Variants in FAM78B observed in about 807,000 individuals in gnomAD.
FAM78B encodes the protein family with sequence similarity 78 member B, also known as protein FAM78B.
Under a neutral mutation model 20.0 loss-of-function variants are expected in FAM78B, and 10 were observed. The ratio of observed to expected loss-of-function variants is 0.50; its 90% confidence interval spans 0.31 to 0.85. The LOEUF is 0.85. Ranked by LOEUF, FAM78B falls within the 40% of genes least tolerant of loss-of-function variation. FAM78B has a pLI of 0.05. For synonymous variants in FAM78B, 135 were observed against 132.8 expected (o/e 1.02, Z -0.12); for missense variants, 283 against 345.0 (o/e 0.82, Z 1.42).
chr1:166,091,108 T>C (rs778735948), intron 1 of FAM78B, among the ~76,000 whole-genome samples: 4 of 152,130 alleles, frequency 2.6e-5, no homozygotes, highest in Non-Finnish European at 5.9e-5. Flanking sequence ...GCATGAACAA[T>C]GGCCTCAAGG....
rs1807083 is a variant in FAM78B at position 166,131,193 on chromosome 1, T to A, written c.263+34793A>T. Among the ~76,000 whole-genome samples, 453 of 152,146 alleles carry A rather than the reference T, an allele frequency of 3.0e-3. 4 individuals are homozygous for A. The highest frequency in any genetic ancestry group is 0.01 in the African/African-American group (431 of 41,486). The stretch of plus-strand genomic sequence containing the variant: ...TTTTAGTAGAGATGGGGTTTCGCCA[T>A]GTTGGCCAGGCTGGTCTGGAACTCC... On this transcript the variant is annotated intron_variant, in intron 1 of 1. Transcript: ENST00000354422.
chr1:166,156,982 AGAG>A (rs111878413), intron 1 of FAM78B, among the ~76,000 whole-genome samples: 2,147 of 126,644 alleles, frequency 0.017, 58 homozygotes, highest in African/African-American at 0.061. Flanking sequence ...TCTACAGCTT[AGAG>A]GAGAACAAGG....
At chr1:166,142,501 C>T (rs1204986524) in intron 1 of FAM78B, among the ~76,000 whole-genome samples, 1 of 152,186 alleles carries the variant, frequency 6.6e-6, no homozygotes, top group Non-Finnish European at 1.5e-5. Flanking sequence ...AATGGGATTC[C>T]TCCCCTCAAG....
At position 166,109,862 on chromosome 1, in the gene FAM78B, G is replaced by GTGTGTATA. The variant is rs1179378097; in HGVS notation, c.264-39100_264-39099insTATACACA. ...TATGTATATATATATATATATATAT[G>GTGTGTATA]TATGTGTATATATATATATGTATAT... On this transcript the variant is annotated intron_variant, in intron 1 of 1. Coordinates refer to ENST00000354422, the MANE Select transcript of FAM78B (RefSeq NM_001017961.5). 1.2e-4 allele frequency among the ~76,000 whole-genome samples: 2 copies of GTGTGTATA among 16,278 alleles called. 1 individual carries two copies. Among genetic ancestry groups the GTGTGTATA allele is most frequent in the Non-Finnish European group, 2.6e-4 (2 of 7,580 alleles). The allele number at this position is 16,278 out of a possible 152,430, so 10.7% of individuals were successfully genotyped here.
At chr1:166,124,714 T>C (rs1654578345) in intron 1 of FAM78B, among the ~76,000 whole-genome samples, 1 of 152,252 alleles carries the variant, frequency 6.6e-6, no homozygotes, top group South Asian at 2.1e-4. Context: ...TGGTATTGGC[T>C]GAGTCCTTCA....
rs1176176057 is a variant in FAM78B, at chr1:166,166,165, G to A, written c.84C>T (p.Asp28=). The change falls in exon 1 of 2, where the codon GAC becomes GAT. Residue 28 remains aspartate (D), a synonymous_variant. Coordinates refer to ENST00000354422, the MANE Select transcript of FAM78B (RefSeq NM_001017961.5). The stretch of plus-strand genomic sequence containing the variant: ...TCTCCTCGATGCGCGTGGGGCACTG[G>A]TCGATGGTGGCGCACACATCGTACA... The part of the protein sequence containing the change: ...IVVYDVCATI[D]QCPTRIEETS... 1.2e-6 allele frequency: 2 copies of A among 1,603,234 alleles called. No homozygotes were observed. Among genetic ancestry groups the A allele is most frequent in the Non-Finnish European group, 8.5e-7 (1 of 1,174,858 alleles).
At chr1:166,084,485 C>G (rs1652726870) in intron 1 of FAM78B, among the ~76,000 whole-genome samples, 1 of 152,132 alleles carries the variant, frequency 6.6e-6, no homozygotes. Flanking sequence ...GACCAAAGAC[C>G]TCAGTCCTTG....
At chr1:166,157,379 A>G (rs1470800126) in intron 1 of FAM78B, among the ~76,000 whole-genome samples, 1 of 151,280 alleles carries the variant, frequency 6.6e-6, no homozygotes, top group Non-Finnish European at 1.5e-5. Context: ...CCATTTATGT[A>G]CAGGCAAACT....
intron 1 of FAM78B, among the ~76,000 whole-genome samples, chr1:166,077,555 GTCTC>G (rs111360627): frequency 1.4e-5 from 2 of 146,418 alleles, no homozygotes; most frequent in Non-Finnish European, 3.0e-5. Context: ...AGCACACAAT[GTCTC>G]TCTCTCTATA....
At chr1:166,060,947 G>A (rs1651573713) in intron 2 of FAM78B, among the ~76,000 whole-genome samples, 1 of 152,120 alleles carries the variant, frequency 6.6e-6, no homozygotes, top group Non-Finnish European at 1.5e-5. Context: ...AAGTCACCAG[G>A]CAATCCTCAG....
chr1:166,153,240 A>G (rs549935546), intron 1 of FAM78B, among the ~76,000 whole-genome samples: 1 of 152,200 alleles, frequency 6.6e-6, no homozygotes, highest in African/African-American at 2.4e-5. Context: ...TTCCATATTT[A>G]TCTCTCCAGA....
intron 1 of FAM78B, among the ~76,000 whole-genome samples, chr1:166,097,143 T>C (rs1653314416): frequency 6.6e-6 from 1 of 152,114 alleles, no homozygotes; most frequent in African/African-American, 2.4e-5. Context: ...GTTTCCGACT[T>C]TACCTGGAGC....
chr1:166,056,088 C>G (rs1055663707), downstream of FAM78B, among the ~76,000 whole-genome samples: 1 of 152,138 alleles, frequency 6.6e-6, no homozygotes, highest in Admixed American at 6.5e-5. Flanking sequence ...GCTGCTCAGG[C>G]CACCTGGTGA....
downstream of FAM78B, among the ~76,000 whole-genome samples, chr1:166,065,841 C>G (rs1219567498): frequency 6.6e-6 from 1 of 152,206 alleles, no homozygotes; most frequent in African/African-American, 2.4e-5. Context: ...ATCTAAGGAT[C>G]ATTTAGGCTT....
intron 1 of FAM78B, among the ~76,000 whole-genome samples, chr1:166,098,664 C>CT (rs936623693): frequency 7.9e-5 from 12 of 152,046 alleles, no homozygotes; most frequent in Admixed American, 6.6e-4. Context: ...AAGACAAAGT[C>CT]TTCGAATTAA....
Position 166,070,717 on chromosome 1 carries a change from T to C in FAM78B, c.310A>G (p.Ile104Val), listed in dbSNP as rs201590163. 440 of 1,602,954 alleles carry C rather than the reference T, an allele frequency of 2.7e-4. 1 individual carries two copies. Among genetic ancestry groups the C allele is most frequent in the Non-Finnish European group, 4.3e-5 (50 of 1,174,056 alleles). Residue 104 changes from isoleucine to valine, a missense_variant, in exon 2 of 2, where the codon ATC becomes GTC. Transcript: ENST00000354422. Reference protein sequence around the residue: ...PDLREGRVKAISDSDGVSYPW... With the variant: ...PDLREGRVKAVSDSDGVSYPW... ...TAGCTCACCCCATCTGAGTCACTGA[T>C]GGCTTTTACTCTCCCTTCCCTCAAG...
At chr1:166,074,552 G>T (rs1652191908) in intron 1 of FAM78B, among the ~76,000 whole-genome samples, 2 of 152,122 alleles carry the variant, frequency 1.3e-5, no homozygotes, top group South Asian at 4.1e-4. Flanking sequence ...TATTAAAAGA[G>T]TAAATACTTT....
At chr1:166,070,908 C>G (rs1376772548) in intron 1 of FAM78B, 145 bp from the exon 2 acceptor site, 2 of 771,910 alleles carry the variant, frequency 2.6e-6, no homozygotes, top group Admixed American at 3.1e-5. Context: ...AAGTTCTATG[C>G]TGTGCTGTTT....
intron 1 of FAM78B, among the ~76,000 whole-genome samples, chr1:166,145,268 T>A (rs1655414661): frequency 6.6e-6 from 1 of 152,200 alleles, no homozygotes; most frequent in Non-Finnish European, 1.5e-5. Context: ...GCTGCTTCCA[T>A]CAAGTTTATC....
Sources: gnomAD v4.1 joint callset for allele counts (sites outside exome capture counted in the v4.1 genomes callset) on GRCh38, gnomAD v4.1.1 for gene constraint, MANE v1.5 for transcripts, NCBI Gene and HGNC (gene_info 2026-07-23, HGNC 2026-07-21) for gene names.